ADAM12: variants seen among roughly 807,000 people sequenced by gnomAD.
The protein encoded by ADAM12 is disintegrin and metalloproteinase domain-containing protein 12.
ADAM12 carries 70 observed loss-of-function variants against 106.4 expected under a neutral mutation model. The observed-to-expected ratio is 0.66, with a 90% CI of 0.54 to 0.80. ADAM12 has a LOEUF of 0.80. Ranked by LOEUF, ADAM12 falls within the 30% of genes least tolerant of loss-of-function variation. ADAM12 has a pLI of 0.00. For synonymous variants in ADAM12, 420 were observed against 433.5 expected, an observed-to-expected ratio of 0.97 and a Z score of 0.39; for missense variants, 1,010 against 1,171.9, an observed-to-expected ratio of 0.86 and a Z score of 2.02.
At position 126,066,011 on chromosome 10, in the gene ADAM12, T is replaced by A. The variant is rs779816196; in HGVS notation, c.1413+706A>T. Among the ~76,000 whole-genome samples, 3 of 152,196 alleles carry A rather than the reference T, an allele frequency of 2.0e-5. No homozygotes were observed. Among genetic ancestry groups the A allele is most frequent in the Non-Finnish European group, 4.4e-5 (3 of 68,036 alleles). On this transcript the variant is annotated intron_variant, in intron 13 of 22. Transcript: ENST00000448723. This position sits in a 1 kb window ranked among gnomAD's most constrained non-coding sequence, Gnocchi z 5.1. ...GTTATAATGCACTTCTAAATCACCGTGCTCACGTGGGGCAGCTAAGAGGGA... is the reference window on the plus strand; with the variant it reads ...GTTATAATGCACTTCTAAATCACCGAGCTCACGTGGGGCAGCTAAGAGGGA...
intron 1 of ADAM12, among the ~76,000 whole-genome samples, chr10:126,343,103 C>T (rs967181316): frequency 4.6e-5 from 7 of 151,964 alleles, no homozygotes; most frequent in Admixed American, 2.0e-4. Context: ...TATACATGTG[C>T]CATGTTGGTG....
intron 3 of ADAM12, among the ~76,000 whole-genome samples, chr10:126,233,054 A>G (rs1284200281): frequency 6.6e-6 from 1 of 152,164 alleles, no homozygotes; most frequent in East Asian, 1.9e-4. Flanking sequence ...CCCCTACCAC[A>G]GTCAATTCAA....
At chr10:126,338,253 T>TC (rs1366273555) in intron 1 of ADAM12, among the ~76,000 whole-genome samples, 1 of 139,490 alleles carries the variant, frequency 7.2e-6, no homozygotes, top group African/African-American at 2.7e-5. Context: ...TACATTTTTT[T>TC]TTTTTTTTTT....
chr10:126,173,587 G>A lies in ADAM12; in HGVS notation c.261-18282C>T, dbSNP rs115164142. On this transcript the variant is annotated intron_variant, in intron 3 of 22. Transcript: ENST00000448723. Reference sequence around the variant, plus strand: ...CTCAGTTGAGAACTGCTGGTATGTAGGAGGGATTAATATACTATTTCCTCT... The same window carrying A: ...CTCAGTTGAGAACTGCTGGTATGTAAGAGGGATTAATATACTATTTCCTCT... Among the ~76,000 whole-genome samples, 1,133 of 152,280 alleles carry A rather than the reference G, an allele frequency of 7.4e-3. 13 individuals carry two copies. The highest frequency in any genetic ancestry group is 0.026 in the African/African-American group (1,084 of 41,562).
At chr10:126,154,804 T>G (rs372380363) in intron 4 of ADAM12, among the ~76,000 whole-genome samples, 1 of 152,182 alleles carries the variant, frequency 6.6e-6, no homozygotes, top group East Asian at 1.9e-4. Context: ...GTATCCACAT[T>G]GTGGATACAT....
chr10:126,096,275 G>A (rs1182690652), intron 10 of ADAM12, among the ~76,000 whole-genome samples: 2 of 152,224 alleles, frequency 1.3e-5, no homozygotes, highest in Non-Finnish European at 2.9e-5. Flanking sequence ...GTCATTGAAT[G>A]TCTTGGTTTT....
Position 126,073,818 on chromosome 10 carries a change from C to T in ADAM12, c.1146-2164G>A, listed in dbSNP as rs557087788. 1.8e-4 allele frequency among the ~76,000 whole-genome samples: 28 copies of T among 152,326 alleles called. No individual in the cohort carries two copies. The South Asian group carries it at 5.6e-3, about 30-fold the overall frequency. On this transcript the variant is annotated intron_variant, in intron 11 of 22. Transcript: ENST00000448723. Reference sequence around the variant, plus strand: ...AACAATCTTGAAATCTTTGTAACTTCCCCTGGCAGACAGACTGGTTATTCC... The same window carrying T: ...AACAATCTTGAAATCTTTGTAACTTTCCCTGGCAGACAGACTGGTTATTCC...
At position 126,066,605 on chromosome 10, in the gene ADAM12, G is replaced by T; in HGVS notation, c.1413+112C>A. The T allele has an allele frequency of 1.0e-6, 1 of 964,570 alleles. No homozygotes were observed. The highest frequency in any genetic ancestry group is 1.6e-6 in the Non-Finnish European group (1 of 610,066). 59.8% of individuals were successfully genotyped at this position (964,570 alleles called of 1,614,324 possible). A position where few individuals can be genotyped will look rare whatever the true frequency, so the allele number is the denominator to read the frequency against. ...GGCGTGAGAAGGAGGGATGGTGCGT[G>T]CTGTGGTGAGTGCTGGGAAACCTTC... On this transcript the variant is annotated intron_variant, in intron 13 of 22. Coordinates refer to ENST00000448723, the MANE Select transcript of ADAM12 (RefSeq NM_001288973.2). This position sits in a 1 kb window ranked among gnomAD's most constrained non-coding sequence, Gnocchi z 5.1.
chr10:126,024,679 G>T (rs925794383), intron 21 of ADAM12, among the ~76,000 whole-genome samples: 6 of 152,068 alleles, frequency 3.9e-5, no homozygotes, highest in Non-Finnish European at 8.8e-5. Context: ...ACTTTGAGCT[G>T]GTTGAAGGTA....
chr10:126,068,084 G>A (rs569098595), intron 12 of ADAM12, among the ~76,000 whole-genome samples: 15 of 152,134 alleles, frequency 9.9e-5, no homozygotes, highest in East Asian at 1.9e-4. Context: ...TCCAGAATGC[G>A]TAATATATAC....
chr10:126,254,136 G>A (rs541136943), intron 3 of ADAM12, among the ~76,000 whole-genome samples: 4 of 152,242 alleles, frequency 2.6e-5, no homozygotes, highest in South Asian at 2.1e-4. Context: ...GGGAGGCTCC[G>A]GAGGTGTGTT....
chr10:126,199,011 A>G (rs1310385182), intron 3 of ADAM12, among the ~76,000 whole-genome samples: 1 of 152,180 alleles, frequency 6.6e-6, no homozygotes, highest in Middle Eastern at 3.2e-3. Flanking sequence ...TGTAGATTCC[A>G]GAAATTTCTT....
intron 1 of ADAM12, among the ~76,000 whole-genome samples, chr10:126,382,471 C>G (rs899637976): frequency 6.6e-6 from 1 of 152,222 alleles, no homozygotes; most frequent in Non-Finnish European, 1.5e-5. Flanking sequence ...TTCCCCTGCT[C>G]AGTTCACAGG....
chr10:126,223,259 C>G (rs575878934), intron 3 of ADAM12, among the ~76,000 whole-genome samples: 42 of 152,288 alleles, frequency 2.8e-4, no homozygotes, highest in African/African-American at 1.0e-3. Context: ...AAGTATAATG[C>G]TCTGACATAG....
At chr10:126,228,561 C>T (rs1049637944) in intron 3 of ADAM12, among the ~76,000 whole-genome samples, 1 of 152,132 alleles carries the variant, frequency 6.6e-6, no homozygotes, top group South Asian at 2.1e-4. Flanking sequence ...CTATTTCATA[C>T]CAGAATGAAA....
intron 3 of ADAM12, among the ~76,000 whole-genome samples, chr10:126,201,904 G>C (rs947072789): frequency 6.6e-6 from 1 of 152,206 alleles, no homozygotes; most frequent in African/African-American, 2.4e-5. Context: ...GCCTGCCCCA[G>C]AGAGAGGCAG....
At chr10:126,238,308 C>T (rs1013989165) in intron 3 of ADAM12, among the ~76,000 whole-genome samples, 1 of 152,118 alleles carries the variant, frequency 6.6e-6, no homozygotes, top group African/African-American at 2.4e-5. Context: ...GGGGAAACCC[C>T]ATCTCTACTA....
chr10:126,108,234 A>T (rs1163558156), intron 8 of ADAM12, among the ~76,000 whole-genome samples: 1 of 152,200 alleles, frequency 6.6e-6, no homozygotes, highest in Non-Finnish European at 1.5e-5. Context: ...GGGATCCGTC[A>T]TCGGGAGACC....
intron 2 of ADAM12, among the ~76,000 whole-genome samples, chr10:126,313,185 G>A (rs998396586): frequency 7.9e-5 from 12 of 152,158 alleles, no homozygotes; most frequent in South Asian, 2.1e-4. Context: ...GTCAGCGCTG[G>A]CTGTCGGCTT....
Sources: gnomAD v4.1 joint callset for allele counts (sites outside exome capture counted in the v4.1 genomes callset) on GRCh38, gnomAD v4.1.1 for gene constraint, Gnocchi (gnomAD v3.1) non-coding constraint, MANE v1.5 for transcripts, NCBI Gene and HGNC (gene_info 2026-07-23, HGNC 2026-07-21) for gene names.